The following RASSF5 variants were observed in gnomAD, a reference collection of about 807,000 sequenced individuals.
RASSF5 encodes ras association domain-containing protein 5.
Under a neutral mutation model 40.5 loss-of-function variants are expected in RASSF5, and 25 were observed. The ratio of observed to expected loss-of-function variants is 0.62; its 90% CI spans 0.45 to 0.86. The LOEUF (loss-of-function observed/expected upper bound fraction) is 0.86, where lower values mean the gene tolerates loss of function less well. Among genes scored for constraint, RASSF5 ranks in the 40% least tolerant of loss-of-function variants. The probability of loss-of-function intolerance (pLI) is 0.00; values close to 1 mark genes in which losing one functional copy is unlikely to be tolerated. For missense variants in RASSF5, 521 were observed against 572.8 expected (o/e 0.91, Z 0.92); for synonymous variants, 246 against 252.4 (o/e 0.97, Z 0.24).
chr1:206,539,398 C>T (rs905198725), intron 2 of RASSF5, among the ~76,000 whole-genome samples: 3 of 152,292 alleles, frequency 2.0e-5, no homozygotes, highest in Admixed American at 6.5e-5. Flanking sequence ...AGCAGCCCCC[C>T]GGTCTCCAGA....
At chr1:206,518,315 G>A (rs1572292332) in intron 1 of RASSF5, 1 of 321,256 alleles carries the variant, frequency 3.1e-6, no homozygotes, top group East Asian at 4.6e-5. Flanking sequence ...GGCCCTCCCC[G>A]GAGCCCTCCC....
intron 2 of RASSF5, among the ~76,000 whole-genome samples, chr1:206,555,070 G>A (rs1390299420): frequency 6.6e-6 from 1 of 152,218 alleles, no homozygotes; most frequent in African/African-American, 2.4e-5. Context: ...TAAAAGAGTA[G>A]CCTGGGGGAA....
chr1:206,518,765 C>T (rs1666828862), intron 1 of RASSF5, among the ~76,000 whole-genome samples: 1 of 151,964 alleles, frequency 6.6e-6, no homozygotes, highest in African/African-American at 2.4e-5. Flanking sequence ...CATGGTCTGC[C>T]TGTTTTGGAG....
chr1:206,570,506 T>C (rs1470705416), intron 2 of RASSF5, among the ~76,000 whole-genome samples: 2 of 152,034 alleles, frequency 1.3e-5, no homozygotes, highest in Admixed American at 6.6e-5. Flanking sequence ...CAACTGAAAC[T>C]CCTTACCAAT....
intron 2 of RASSF5, chr1:206,581,221 A>C (rs939298307): frequency 1.3e-5 from 2 of 152,264 alleles, no homozygotes; most frequent in African/African-American, 4.8e-5. Context: ...AGTACCCAGC[A>C]CAGGCTGTTA....
intron 1 of RASSF5, among the ~76,000 whole-genome samples, chr1:206,522,081 T>A (rs1666922333): frequency 6.6e-6 from 1 of 152,180 alleles, no homozygotes; most frequent in Non-Finnish European, 1.5e-5. Flanking sequence ...TTTCCCGTGG[T>A]GATGATCAAA....
At position 206,583,292 on chromosome 1, in the gene RASSF5, G is replaced by A; in HGVS notation, c.603G>A (p.Glu201=). The stretch of plus-strand genomic sequence containing the variant: ...AGAATGTCTGTAAACCTGTGGAGGA[G>A]ACACAGCGCCCGCCCACACTGCAGG... ...FSQNVCKPVE[E]TQRPPTLQEI... Residue 201 remains glutamate, a synonymous_variant, in exon 3 of 6, where the codon GAG becomes GAA. Coordinates refer to ENST00000579436, the MANE Select transcript of RASSF5 (RefSeq NM_182663.4). 6.2e-7 allele frequency: 1 copy of A among 1,613,560 alleles called. No individual in the cohort carries two copies. Among genetic ancestry groups the A allele is most frequent in the Non-Finnish European group, 8.5e-7 (1 of 1,179,602 alleles).
chr1:206,563,989 A>C (rs1668218736), intron 2 of RASSF5, among the ~76,000 whole-genome samples: 1 of 152,122 alleles, frequency 6.6e-6, no homozygotes, highest in African/African-American at 2.4e-5. Flanking sequence ...CACAGCACTA[A>C]CTGTAAATGA....
rs756120640 is a variant in RASSF5 at position 206,513,423 on chromosome 1, C to T, written c.457+5364C>T. ...GTGTGCAAAGCATGCAAGCTCCCCACCCCCAGCCCTTCTGAGGGAACCATG... is the reference window on the plus strand; with the variant it reads ...GTGTGCAAAGCATGCAAGCTCCCCATCCCCAGCCCTTCTGAGGGAACCATG... On this transcript the variant is annotated intron_variant, in intron 1 of 5. Transcript: ENST00000579436. This position sits in a 1 kb window ranked among gnomAD's most constrained non-coding sequence, Gnocchi z 5.0. Among the ~76,000 whole-genome samples, 114 of 150,534 alleles carry T rather than the reference C, an allele frequency of 7.6e-4. No individual in the cohort carries two copies. Among genetic ancestry groups the T allele is most frequent in the Non-Finnish European group, 1.5e-3 (101 of 68,022 alleles).
Position 206,584,874 on chromosome 1 carries a change from A to C in RASSF5, c.988+190A>C, listed in dbSNP as rs946146946. On this transcript the variant is annotated intron_variant, in intron 4 of 5. Coordinates refer to ENST00000579436, the MANE Select transcript of RASSF5 (RefSeq NM_182663.4). This position sits in a 1 kb window ranked among gnomAD's most constrained non-coding sequence, Gnocchi z 4.9. ...GCAAGAGCAGAGTCCCTGACTCTGC[A>C]TGTGACTTCAGGAAAACCACACCCT... 1 of 642,318 alleles carries C rather than the reference A, an allele frequency of 1.6e-6. No individual in the cohort carries two copies. The highest frequency in any genetic ancestry group is 2.7e-5 in the East Asian group (1 of 36,674). The allele number at this position is 642,318 out of a possible 1,614,324, so 39.8% of individuals were successfully genotyped here. A position where few individuals can be genotyped will look rare whatever the true frequency, so the allele number is the denominator to read the frequency against.
At chr1:206,578,254 G>A (rs1045629942) in intron 2 of RASSF5, among the ~76,000 whole-genome samples, 3 of 151,538 alleles carry the variant, frequency 2.0e-5, no homozygotes, top group Admixed American at 1.3e-4. Flanking sequence ...GTGTGTGTGT[G>A]TGTGTGTGTA....
At chr1:206,548,877 T>G (rs1553400651) in intron 2 of RASSF5, among the ~76,000 whole-genome samples, 1 of 152,122 alleles carries the variant, frequency 6.6e-6, no homozygotes, top group Admixed American at 6.6e-5. Context: ...TTGTTTTATT[T>G]TGTTTTGAGA....
chr1:206,520,789 T>TTGAACA (rs1666885641), intron 1 of RASSF5, among the ~76,000 whole-genome samples: 1 of 152,118 alleles, frequency 6.6e-6, no homozygotes, highest in Non-Finnish European at 1.5e-5. Context: ...GTAAATTAAA[T>TTGAACA]GTCAAACAGT....
intron 1 of RASSF5, among the ~76,000 whole-genome samples, chr1:206,518,931 C>A (rs962269966): frequency 3.3e-5 from 5 of 151,472 alleles, no homozygotes; most frequent in Admixed American, 6.6e-5. Context: ...CAGACCCTGC[C>A]AAGTTGCTGA....
At chr1:206,546,760 A>G (rs1183315542) in intron 2 of RASSF5, among the ~76,000 whole-genome samples, 10 of 152,252 alleles carry the variant, frequency 6.6e-5, no homozygotes, top group Non-Finnish European at 1.5e-4. Flanking sequence ...GGGCAAAATC[A>G]TCTAACACCA....
intron 1 of RASSF5, among the ~76,000 whole-genome samples, chr1:206,537,803 G>A (rs1667455432): frequency 6.6e-6 from 1 of 152,172 alleles, no homozygotes; most frequent in Non-Finnish European, 1.5e-5. Flanking sequence ...GGATTTATGG[G>A]TGCTGGTGAT....
chr1:206,562,513 G>A (rs901811952), intron 2 of RASSF5, among the ~76,000 whole-genome samples: 7 of 152,132 alleles, frequency 4.6e-5, no homozygotes, highest in African/African-American at 1.4e-4. Flanking sequence ...TAGAGATGCC[G>A]TCCGAACTCC....
chr1:206,584,656 T>A lies in RASSF5; in HGVS notation c.960T>A (p.Leu320=). Residue 320 remains leucine (L), a synonymous_variant, in exon 4 of 6, where the codon CTT becomes CTA. Coordinates refer to ENST00000579436, the MANE Select transcript of RASSF5 (RefSeq NM_182663.4). The surrounding 1 kb of genome is among the most constrained non-coding windows in gnomAD (Gnocchi z 4.9). ...TGGACAATCCCCAGAAGTTTGCACT[T>A]TTTAAGCGGATACACAAGGACGGAC... ...MVVDNPQKFA[L]FKRIHKDGQV... The A allele has an allele frequency of 6.2e-7, 1 of 1,614,226 alleles. No homozygotes were observed. Among genetic ancestry groups the A allele is most frequent in the Non-Finnish European group, 8.5e-7 (1 of 1,180,044 alleles).
chr1:206,508,023 G>A lies in RASSF5; in HGVS notation c.421G>A (p.Gly141Arg), dbSNP rs777728322. Residue 141 changes from glycine (G) to arginine (R), a missense_variant, in exon 1 of 6, where the codon GGA (glycine) becomes AGA (arginine). Around this residue, in one of 2 missense-constraint regions of RASSF5, gnomAD observed 284 missense variants for 360.8 expected, o/e 0.79. Coordinates refer to ENST00000579436, the MANE Select transcript of RASSF5 (RefSeq NM_182663.4). ...PGGPGWCDLC[G>R]REVLRQALRC... ...CGGCCCCGGCTGGTGTGACCTGTGC[G>A]GACGAGAGGTGCTGCGGCAGGCGCT... is the stretch of plus-strand genomic sequence containing the variant. 3.5e-5 allele frequency: 50 copies of A among 1,442,084 alleles called. No individual in the cohort carries two copies. Among genetic ancestry groups the A allele is most frequent in the Non-Finnish European group, 4.2e-5 (46 of 1,097,928 alleles). 89.3% of individuals were successfully genotyped at this position (1,442,084 alleles called of 1,614,324 possible).
Sources: allele counts gnomAD v4.1 joint callset (sites outside exome capture counted in the v4.1 genomes callset), GRCh38; gene constraint gnomAD v4.1.1; regional missense constraint gnomAD v4.1.1; non-coding constraint Gnocchi (gnomAD v3.1); transcripts MANE v1.5; gene names NCBI Gene and HGNC (gene_info 2026-07-23, HGNC 2026-07-21).